Variants in CASK observed in about 807,000 individuals in gnomAD.
CASK encodes the protein calcium/calmodulin dependent serine protein kinase.
In CASK, 4 loss-of-function variants were observed where a neutral mutation model predicts 82.9. The observed-to-expected ratio is 0.05, with a 90% CI of 0.02 to 0.11. The LOEUF is 0.11. CASK is among the 10% of genes least tolerant of loss of function. CASK has a pLI of 1.00. For synonymous variants in CASK, 259 were observed against 253.5 expected, an observed-to-expected ratio of 1.02 and a Z score of -0.20; for missense variants, 358 against 720.9, an observed-to-expected ratio of 0.50 and a Z score of 5.76.
At chrX:41,743,585 T>A (rs1225773348) in intron 4 of CASK, 5 of 291,861 alleles carry the variant, frequency 1.7e-5, no homozygotes, top group South Asian at 4.3e-4. Flanking sequence ...TTTTGTGCCA[T>A]AGCCATGGCT....
chrX:41,841,349 T>C (rs2071034268), intron 2 of CASK, among the ~76,000 whole-genome samples: 1 of 111,405 alleles, frequency 9.0e-6, no homozygotes, highest in Non-Finnish European at 1.9e-5. Flanking sequence ...TAAATATTAT[T>C]TGAAGAAATG....
chrX:41,889,160 GAAAAA>G (rs572920522), intron 1 of CASK, among the ~76,000 whole-genome samples: 1 of 94,483 alleles, frequency 1.1e-5, no homozygotes, highest in Non-Finnish European at 2.1e-5. Context: ...TGCTATCCTG[GAAAAA>G]AAAAAAAAGG....
chrX:41,666,758 T>G (rs1482479043), intron 6 of CASK, among the ~76,000 whole-genome samples: 1 of 111,805 alleles, frequency 8.9e-6, no homozygotes, highest in Non-Finnish European at 1.9e-5. Context: ...GATAGATCAG[T>G]GAAAACTATT....
intron 3 of CASK, among the ~76,000 whole-genome samples, chrX:41,777,597 A>G (rs988194281): frequency 9.0e-6 from 1 of 111,471 alleles, no homozygotes; most frequent in African/African-American, 3.3e-5. Flanking sequence ...ACAGAAGTGA[A>G]GTCCAGATTA....
Position 41,578,451 on chromosome X carries a change from G to A in CASK, c.1392C>T (p.Thr464=), listed in dbSNP as rs368007414. Residue 464 remains threonine, a synonymous_variant, in exon 15 of 27, where the codon ACC becomes ACT. Transcript: ENST00000378163. The part of the protein sequence containing the change: ...DEALRVTPPP[T]SPYLNGDSPE... ...GAGAATCGCCGTTTAAATAGGGAGA[G>A]GTGGGAGGAGGTGTGACCCTCAATG... 200 of 1,200,802 alleles carry A rather than the reference G, an allele frequency of 1.7e-4. No individual in the cohort carries two copies. Among genetic ancestry groups the A allele is most frequent in the Non-Finnish European group, 2.2e-4 (194 of 886,987 alleles).
At chrX:41,722,709 G>A (rs1201434798) in intron 5 of CASK, among the ~76,000 whole-genome samples, 1 of 112,157 alleles carries the variant, frequency 8.9e-6, no homozygotes, top group Non-Finnish European at 1.9e-5. Context: ...AGGATGATTC[G>A]TAAGTTTTTG....
chrX:41,796,929 C>G (rs747710193), intron 2 of CASK, among the ~76,000 whole-genome samples: 1 of 111,814 alleles, frequency 8.9e-6, no homozygotes, highest in South Asian at 3.7e-4. Context: ...AAAGTGTCAT[C>G]ATAGTTTTAC....
At chrX:41,917,004 GA>G (rs2072704100) in intron 1 of CASK, among the ~76,000 whole-genome samples, 1 of 112,124 alleles carries the variant, frequency 8.9e-6, no homozygotes, top group Non-Finnish European at 1.9e-5. Flanking sequence ...AAATAAAAAA[GA>G]AACAGATGAA....
chrX:41,923,309 G>A lies in CASK; in HGVS notation c.-321C>T, dbSNP rs2072821885. 1 of 107,792 alleles carries A rather than the reference G, an allele frequency of 9.3e-6. No individual in the cohort carries two copies. Among genetic ancestry groups the A allele is most frequent in the African/African-American group, 3.3e-5 (1 of 30,114 alleles). 8.9% of individuals were successfully genotyped at this position (107,792 alleles called of 1,213,427 possible). On this transcript the variant is annotated 5_prime_UTR_variant, in exon 1 of 27. Transcript: ENST00000378163. ...GGATCCTCGGGGACCGCGCGGCGTC[G>A]CGCTCTCCGCTCGTCAGCCCGCGCG...
intron 1 of CASK, among the ~76,000 whole-genome samples, chrX:41,879,125 T>C (rs953202846): frequency 5.4e-5 from 6 of 111,595 alleles, no homozygotes; most frequent in African/African-American, 9.8e-5. Context: ...ATAGGCCTGA[T>C]AGAAAAATGC....
intron 4 of CASK, among the ~76,000 whole-genome samples, chrX:41,741,464 C>T (rs1237582344): frequency 9.0e-6 from 1 of 111,578 alleles, no homozygotes; most frequent in African/African-American, 3.3e-5. Context: ...TAGCTTGTAC[C>T]CACAGAATGA....
intron 12 of CASK, among the ~76,000 whole-genome samples, chrX:41,602,836 A>G (rs1272442822): frequency 9.2e-6 from 1 of 108,666 alleles, no homozygotes; most frequent in African/African-American, 3.4e-5. Context: ...ATTTTGTTTC[A>G]TGCCGTACTT....
chrX:41,880,789 T>C (rs181671067), intron 1 of CASK, among the ~76,000 whole-genome samples: 288 of 111,813 alleles, frequency 2.6e-3, no homozygotes, highest in Non-Finnish European at 3.7e-3. Context: ...TATCTCACTA[T>C]ACATCTATTT....
chrX:41,630,675 G>A (rs934236830), intron 9 of CASK, among the ~76,000 whole-genome samples: 1 of 111,637 alleles, frequency 9.0e-6, no homozygotes, highest in Non-Finnish European at 1.9e-5. Flanking sequence ...TGAGTGAACA[G>A]GGAAATATAC....
At chrX:41,813,876 T>G (rs1188575112) in intron 2 of CASK, among the ~76,000 whole-genome samples, 8 of 110,909 alleles carry the variant, frequency 7.2e-5, no homozygotes, top group African/African-American at 1.6e-4. Flanking sequence ...AATCTACAAA[T>G]AACTCAAACA....
At chrX:41,713,044 T>C (rs998853487) in intron 5 of CASK, among the ~76,000 whole-genome samples, 1 of 112,015 alleles carries the variant, frequency 8.9e-6, no homozygotes, top group African/African-American at 3.3e-5. Flanking sequence ...TCCGCTCTCC[T>C]GCACGGCTGG....
At chrX:41,873,283 C>CA (rs1175165867) in intron 1 of CASK, among the ~76,000 whole-genome samples, 2,657 of 30,910 alleles carry the variant, frequency 0.086, 64 homozygotes, top group East Asian at 0.15. Context: ...TTCTTCCTCA[C>CA]AAAAAAAAAA....
chrX:41,723,018 T>G (rs2068194418), intron 5 of CASK, among the ~76,000 whole-genome samples: 1 of 112,083 alleles, frequency 8.9e-6, no homozygotes, highest in Admixed American at 9.5e-5. Context: ...GATGAGTCAC[T>G]GTTCTTAAGT....
At chrX:41,824,197 A>G (rs1194638177) in intron 2 of CASK, among the ~76,000 whole-genome samples, 1 of 112,003 alleles carries the variant, frequency 8.9e-6, no homozygotes, top group Non-Finnish European at 1.9e-5. Flanking sequence ...GGAGGGGGAA[A>G]AAAAAGCAAA....
Sources: gnomAD v4.1 joint callset for allele counts (sites outside exome capture counted in the v4.1 genomes callset) on GRCh38, gnomAD v4.1.1 for gene constraint, MANE v1.5 for transcripts, NCBI Gene and HGNC (gene_info 2026-07-23, HGNC 2026-07-21) for gene names.